The following FER variants were observed in gnomAD, a reference collection of about 807,000 sequenced individuals.
FER encodes tyrosine-protein kinase Fer.
Under a neutral mutation model 111.0 loss-of-function variants are expected in FER, and 63 were observed. The ratio of observed to expected loss-of-function variants is 0.57; its 90% confidence interval spans 0.46 to 0.70. The LOEUF (loss-of-function observed/expected upper bound fraction) is 0.70. Ranked by LOEUF, FER falls within the 30% of genes least tolerant of loss-of-function variation. The pLI, the probability that FER is intolerant of heterozygous loss-of-function variation, is 0.00. For synonymous variants in FER, 327 were observed against 313.9 expected (o/e 1.04, Z -0.44); for missense variants, 914 against 954.0 (o/e 0.96, Z 0.55).
Position 109,116,074 on chromosome 5 carries a change from T to C in FER, c.2048+15555T>C, listed in dbSNP as rs901490006. ...GTGGCTTGAATTGGGGAAATATTTC[T>C]TTCAACAGATTGGATACATGAACTC... On this transcript the variant is annotated intron_variant, in intron 17 of 19. Coordinates refer to ENST00000281092, the MANE Select transcript of FER (RefSeq NM_005246.4). Among the ~76,000 whole-genome samples the C allele has an allele frequency of 6.6e-5, 10 of 152,114 alleles. 1 individual carries two copies. The highest frequency in any genetic ancestry group is 2.6e-4 in the Admixed American group (4 of 15,232).
At chr5:109,043,073 G>A (rs960000947) in intron 14 of FER, among the ~76,000 whole-genome samples, 1 of 152,174 alleles carries the variant, frequency 6.6e-6, no homozygotes, top group African/African-American at 2.4e-5. Flanking sequence ...ACCTTTCTGA[G>A]ATGCAAGGAA....
At position 108,844,157 on chromosome 5, in the gene FER, T is replaced by C. The variant is rs866712270; in HGVS notation, c.481+8350T>C. Among the ~76,000 whole-genome samples, 109 of 144,390 alleles carry C rather than the reference T, an allele frequency of 7.5e-4. 1 individual carries two copies. Among genetic ancestry groups the C allele is most frequent in the African/African-American group, 2.1e-3 (84 of 39,124 alleles). The allele number at this position is 144,390 out of a possible 152,430, so 94.7% of individuals were successfully genotyped here. A position where few individuals can be genotyped will look rare whatever the true frequency, so the allele number is the denominator to read the frequency against. Reference sequence around the variant, plus strand: ...GTGAACATATATGTGTGTGTGAACATATATATGTGTGAACATATATATATA... The same window carrying C: ...GTGAACATATATGTGTGTGTGAACACATATATGTGTGAACATATATATATA... On this transcript the variant is annotated intron_variant, in intron 5 of 19. Transcript: ENST00000281092.
chr5:109,001,766 A>G (rs1351779568), intron 13 of FER, among the ~76,000 whole-genome samples: 2 of 152,170 alleles, frequency 1.3e-5, no homozygotes, highest in Non-Finnish European at 2.9e-5. Flanking sequence ...TCCTTAAGCT[A>G]ATAGGCAACT....
chr5:109,186,760 T>C (rs1300377820), intron 19 of FER, among the ~76,000 whole-genome samples: 1 of 152,196 alleles, frequency 6.6e-6, no homozygotes, highest in African/African-American at 2.4e-5. Context: ...AGACCATAGA[T>C]GGGAATAACT....
intron 1 of FER, among the ~76,000 whole-genome samples, chr5:108,750,390 T>C (rs149827759): frequency 6.6e-6 from 1 of 152,156 alleles, no homozygotes. Context: ...GAAAGCAGAG[T>C]GTATCTTTTT....
intron 3 of FER, among the ~76,000 whole-genome samples, chr5:108,802,792 G>C (rs371238066): frequency 1.3e-5 from 2 of 151,892 alleles, no homozygotes; most frequent in African/African-American, 2.4e-5. Flanking sequence ...TCTGTTTTCT[G>C]TTTCTACAAA....
At chr5:108,837,970 A>G (rs1239673378) in intron 5 of FER, among the ~76,000 whole-genome samples, 2 of 152,192 alleles carry the variant, frequency 1.3e-5, no homozygotes, top group African/African-American at 2.4e-5. Flanking sequence ...GATTTCTCAC[A>G]TTAAATCCTA....
intron 10 of FER, among the ~76,000 whole-genome samples, chr5:108,944,885 C>A (rs1258357228): frequency 1.5e-5 from 2 of 135,228 alleles, no homozygotes; most frequent in African/African-American, 5.5e-5. Flanking sequence ...CTGTCTAACA[C>A]ACAATATGTT....
At chr5:109,151,281 G>T (rs941957741) in intron 17 of FER, among the ~76,000 whole-genome samples, 5 of 152,184 alleles carry the variant, frequency 3.3e-5, no homozygotes, top group Admixed American at 3.3e-4. Flanking sequence ...CAGATGAATT[G>T]TTGGCAAGAC....
chr5:108,953,732 T>A (rs1758058434), intron 11 of FER, among the ~76,000 whole-genome samples: 1 of 152,120 alleles, frequency 6.6e-6, no homozygotes, highest in Admixed American at 6.6e-5. Flanking sequence ...TGCCTTTCGT[T>A]TATTATTAAT....
At chr5:108,790,832 C>A (rs1198077863) in intron 2 of FER, among the ~76,000 whole-genome samples, 2 of 152,210 alleles carry the variant, frequency 1.3e-5, no homozygotes, top group Non-Finnish European at 2.9e-5. Context: ...TTTGCCAGCC[C>A]TGATCAACTA....
chr5:108,772,512 G>C (rs372292274), intron 2 of FER, among the ~76,000 whole-genome samples: 1 of 150,574 alleles, frequency 6.6e-6, no homozygotes, highest in Non-Finnish European at 1.5e-5. Flanking sequence ...CATCTCTTCT[G>C]GGAATTGCCT....
At chr5:109,156,942 A>AT (rs1755462466) in intron 17 of FER, among the ~76,000 whole-genome samples, 1 of 152,038 alleles carries the variant, frequency 6.6e-6, no homozygotes, top group African/African-American at 2.4e-5. Context: ...CAAAGGTAAG[A>AT]TTTTTTAATG....
intron 3 of FER, among the ~76,000 whole-genome samples, chr5:108,825,236 C>G (rs976487938): frequency 7.2e-5 from 11 of 152,110 alleles, no homozygotes; most frequent in Non-Finnish European, 1.3e-4. Context: ...CCTAATAAGC[C>G]TGGGAGCGCT....
intron 5 of FER, among the ~76,000 whole-genome samples, chr5:108,837,311 G>T (rs1301600115): frequency 6.6e-6 from 1 of 152,160 alleles, no homozygotes; most frequent in Non-Finnish European, 1.5e-5. Flanking sequence ...GGAGCTTACA[G>T]TCTGGTTCAC....
intron 1 of FER, among the ~76,000 whole-genome samples, chr5:108,756,381 A>T (rs1284858699): frequency 6.6e-6 from 1 of 151,918 alleles, no homozygotes; most frequent in African/African-American, 2.4e-5. Flanking sequence ...TTCAGTATAG[A>T]AGTGTGTGAT....
chr5:109,072,743 C>G (rs1775913801), intron 16 of FER, among the ~76,000 whole-genome samples: 1 of 152,000 alleles, frequency 6.6e-6, no homozygotes, highest in African/African-American at 2.4e-5. Context: ...ATATCACAAA[C>G]TATGTGATTT....
chr5:108,891,921 T>A (rs1261054768), intron 9 of FER, among the ~76,000 whole-genome samples: 2 of 152,206 alleles, frequency 1.3e-5, no homozygotes, highest in East Asian at 3.9e-4. Flanking sequence ...GGTGTTTGGT[T>A]TTTTTGTCCT....
intron 14 of FER, among the ~76,000 whole-genome samples, chr5:109,040,259 T>G (rs1323025743): frequency 6.6e-6 from 1 of 152,048 alleles, no homozygotes; most frequent in Non-Finnish European, 1.5e-5. Context: ...AGCTGGTACT[T>G]ACCACAATTA....
Sources: allele counts gnomAD v4.1 joint callset (sites outside exome capture counted in the v4.1 genomes callset), GRCh38; gene constraint gnomAD v4.1.1; transcripts MANE v1.5; gene names NCBI Gene and HGNC (gene_info 2026-07-23, HGNC 2026-07-21).